RAP1GDS1: variants seen among roughly 807,000 people sequenced by gnomAD.
RAP1GDS1 encodes Rap1 GTPase-GDP dissociation stimulator 1.
Under a neutral mutation model 71.1 loss-of-function variants are expected in RAP1GDS1, and 35 were observed. The ratio of observed to expected loss-of-function variants is 0.49; its 90% confidence interval spans 0.38 to 0.65. RAP1GDS1 has a LOEUF of 0.65. Among genes scored for constraint, RAP1GDS1 ranks in the 30% least tolerant of loss-of-function variants. The pLI is 0.00. For synonymous variants in RAP1GDS1, 229 were observed against 243.1 expected (o/e 0.94, Z 0.54); for missense variants, 663 against 706.1 (o/e 0.94, Z 0.69).
At chr4:98,327,485 G>T (rs1383251967) in intron 2 of RAP1GDS1, among the ~76,000 whole-genome samples, 1 of 152,170 alleles carries the variant, frequency 6.6e-6, no homozygotes, top group East Asian at 1.9e-4. Flanking sequence ...AGTTTTTGAA[G>T]AATGTTTTGT....
At chr4:98,355,585 T>C (rs957260430) in intron 4 of RAP1GDS1, among the ~76,000 whole-genome samples, 5 of 152,188 alleles carry the variant, frequency 3.3e-5, no homozygotes, top group Non-Finnish European at 2.9e-5. Context: ...AATTCATACA[T>C]GTTCTATAGA....
intron 2 of RAP1GDS1, among the ~76,000 whole-genome samples, chr4:98,322,345 A>G (rs890635593): frequency 6.0e-5 from 6 of 99,922 alleles, no homozygotes; most frequent in African/African-American, 1.2e-4. Flanking sequence ...CCCACTGTCA[A>G]CATTAGACAG....
At chr4:98,400,525 A>T (rs1160112145) in intron 6 of RAP1GDS1, among the ~76,000 whole-genome samples, 1 of 144,928 alleles carries the variant, frequency 6.9e-6, no homozygotes, top group Non-Finnish European at 1.5e-5. Context: ...GATTTTATAG[A>T]AGTAAAAAAA....
intron 2 of RAP1GDS1, among the ~76,000 whole-genome samples, chr4:98,335,781 T>G (rs986924332): frequency 3.3e-5 from 3 of 90,542 alleles, no homozygotes; most frequent in African/African-American, 1.3e-4. Flanking sequence ...TTTAAGTGAC[T>G]TCTTACCTTT....
chr4:98,399,737 C>G, intron 6 of RAP1GDS1, among the ~76,000 whole-genome samples: 1 of 152,150 alleles, frequency 6.6e-6, no homozygotes, highest in Admixed American at 6.5e-5. Context: ...GACATATTAT[C>G]TCACCCCAGT....
At chr4:98,408,728 C>T (rs1746542253) in intron 7 of RAP1GDS1, among the ~76,000 whole-genome samples, 1 of 152,074 alleles carries the variant, frequency 6.6e-6, no homozygotes, top group East Asian at 1.9e-4. Context: ...AAGTGTAACA[C>T]AATTTAATAT....
In RAP1GDS1 at chr4:98,293,067, A is replaced by G. The variant is rs73834410; in HGVS notation, c.5-341A>G. ...TGAAATAAAATGTTTGTAAAACTATATAATTTTTTATGAACATTTAATTTT... is the reference window on the plus strand; with the variant it reads ...TGAAATAAAATGTTTGTAAAACTATGTAATTTTTTATGAACATTTAATTTT... On this transcript the variant is annotated intron_variant, in intron 1 of 14. Coordinates refer to ENST00000408927, the MANE Select transcript of RAP1GDS1 (RefSeq NM_001100427.2). Among the ~76,000 whole-genome samples the G allele has an allele frequency of 3.8e-3, 585 of 152,304 alleles. 6 individuals are homozygous for G. The highest frequency in any genetic ancestry group is 0.013 in the African/African-American group (555 of 41,572).
chr4:98,307,838 C>T (rs779058642), intron 2 of RAP1GDS1, among the ~76,000 whole-genome samples: 36 of 152,088 alleles, frequency 2.4e-4, no homozygotes, highest in Non-Finnish European at 1.3e-4. Flanking sequence ...TAACTAAAGC[C>T]GACTTACTGT....
At position 98,358,066 on chromosome 4, in the gene RAP1GDS1, GCTT is replaced by G. The variant is rs202059564; in HGVS notation, c.361+5469_361+5471del. On this transcript the variant is annotated intron_variant, in intron 4 of 14. Transcript: ENST00000408927. ...GTGTATAAGCACTGATTTCACTTGA[GCTT>G]CTTGGCAGCCTATGTGAAAAAACAA... 1.0e-2 allele frequency among the ~76,000 whole-genome samples: 1,517 copies of G among 152,152 alleles called. 14 individuals are homozygous for G. The highest frequency in any genetic ancestry group is 0.048 in the Middle Eastern group (14 of 294).
In RAP1GDS1 at chr4:98,276,118, T is replaced by C. The variant is rs529695714; in HGVS notation, c.4+14549T>C. Reference sequence around the variant, plus strand: ...GCAGATTCAGTGTCTGGTCAAGGCCTGCCTCCTGGTTTATAGGTCATCTTT... The same window carrying C: ...GCAGATTCAGTGTCTGGTCAAGGCCCGCCTCCTGGTTTATAGGTCATCTTT... On this transcript the variant is annotated intron_variant, in intron 1 of 14. Transcript: ENST00000408927. Among the ~76,000 whole-genome samples, 92 of 152,268 alleles carry C rather than the reference T, an allele frequency of 6.0e-4. 1 individual carries two copies. The highest frequency in any genetic ancestry group is 2.1e-3 in the African/African-American group (87 of 41,556).
rs73834432 is a variant in RAP1GDS1 at position 98,327,603 on chromosome 4, A to T, written c.113-15536A>T. ...TTGTTTTTAACACGAGTGACTCTTG[A>T]TTTCAACAGCTTTAATTTTCTCCCT... On this transcript the variant is annotated intron_variant, in intron 2 of 14. Coordinates refer to ENST00000408927, the MANE Select transcript of RAP1GDS1 (RefSeq NM_001100427.2). 3.8e-3 allele frequency among the ~76,000 whole-genome samples: 581 copies of T among 152,180 alleles called. 6 individuals carry two copies. Among genetic ancestry groups the T allele is most frequent in the African/African-American group, 0.013 (556 of 41,508 alleles).
At chr4:98,350,115 A>T (rs1185148457) in intron 3 of RAP1GDS1, among the ~76,000 whole-genome samples, 1 of 152,196 alleles carries the variant, frequency 6.6e-6, no homozygotes, top group African/African-American at 2.4e-5. Flanking sequence ...TTATTCCAAG[A>T]ATACTTGAAG....
At chr4:98,273,353 A>G (rs905285637) in intron 1 of RAP1GDS1, among the ~76,000 whole-genome samples, 1 of 152,208 alleles carries the variant, frequency 6.6e-6, no homozygotes, top group African/African-American at 2.4e-5. Context: ...CAAAAACTGC[A>G]GTTATGTTGC....
At chr4:98,400,481 CTG>C (rs1745221197) in intron 6 of RAP1GDS1, among the ~76,000 whole-genome samples, 1 of 145,878 alleles carries the variant, frequency 6.9e-6, no homozygotes, top group Admixed American at 6.9e-5. Context: ...AAGTTAAACA[CTG>C]TATGTTCTCA....
At chr4:98,399,370 G>T (rs1745021961) in intron 6 of RAP1GDS1, among the ~76,000 whole-genome samples, 2 of 152,108 alleles carry the variant, frequency 1.3e-5, no homozygotes. Context: ...CAACAGCAGG[G>T]TCTCACTCTG....
intron 6 of RAP1GDS1, among the ~76,000 whole-genome samples, chr4:98,402,744 A>T (rs1015920020): frequency 1.3e-5 from 2 of 152,162 alleles, no homozygotes; most frequent in Non-Finnish European, 2.9e-5. Context: ...AACCCTGATA[A>T]TTCATTTACA....
intron 14 of RAP1GDS1, among the ~76,000 whole-genome samples, chr4:98,438,109 C>T (rs1295917189): frequency 1.3e-5 from 2 of 152,034 alleles, no homozygotes; most frequent in East Asian, 1.9e-4. Flanking sequence ...TTGTTAGGTA[C>T]CTACACCTTT....
At chr4:98,405,578 A>T (rs1433703850) in intron 7 of RAP1GDS1, among the ~76,000 whole-genome samples, 1 of 152,074 alleles carries the variant, frequency 6.6e-6, no homozygotes, top group African/African-American at 2.4e-5. Flanking sequence ...TTTGGCAGAG[A>T]ATTTATCAGA....
At chr4:98,418,526 A>G (rs1358037451) in intron 9 of RAP1GDS1, 131 bp from the exon 10 acceptor site, 7 of 867,956 alleles carry the variant, frequency 8.1e-6, no homozygotes, top group Non-Finnish European at 1.1e-5. Context: ...ATCTGATGGG[A>G]GAAAGATTTG....
Sources: gnomAD v4.1 joint callset for allele counts (sites outside exome capture counted in the v4.1 genomes callset) on GRCh38, gnomAD v4.1.1 for gene constraint, MANE v1.5 for transcripts, NCBI Gene and HGNC (gene_info 2026-07-23, HGNC 2026-07-21) for gene names.